The following TTLL11 variants were observed in gnomAD, a reference collection of about 807,000 sequenced individuals.
TTLL11 encodes the protein tubulin polyglutamylase TTLL11.
Under a neutral mutation model 51.7 loss-of-function variants are expected in TTLL11, and 42 were observed. The ratio of observed to expected loss-of-function variants is 0.81; its 90% CI spans 0.64 to 1.05. The LOEUF (loss-of-function observed/expected upper bound fraction) is 1.05, where lower values mean the gene tolerates loss of function less well. TTLL11 is among the 50% of genes least tolerant of loss of function. The probability of loss-of-function intolerance (pLI) is 0.00; values close to 1 mark genes in which losing one functional copy is unlikely to be tolerated. For missense variants in TTLL11, 799 were observed against 940.4 expected (o/e 0.85, Z 1.97); for synonymous variants, 381 against 383.5 (o/e 0.99, Z 0.08).
intron 1 of TTLL11, among the ~76,000 whole-genome samples, chr9:122,088,651 G>A (rs939786539): frequency 3.9e-5 from 6 of 152,178 alleles, no homozygotes; most frequent in African/African-American, 1.4e-4. Flanking sequence ...AACAGAGTAA[G>A]AGCTATATAA....
chr9:121,908,428 C>A (rs1460529267), intron 6 of TTLL11, among the ~76,000 whole-genome samples: 1 of 152,192 alleles, frequency 6.6e-6, no homozygotes, highest in Non-Finnish European at 1.5e-5. Flanking sequence ...GCTTTCATGT[C>A]TCCAGGTTAG....
At chr9:121,992,639 A>T (rs533482060) in intron 3 of TTLL11, among the ~76,000 whole-genome samples, 1 of 152,368 alleles carries the variant, frequency 6.6e-6, no homozygotes, top group South Asian at 2.1e-4. Flanking sequence ...CGCTTATGCT[A>T]CAACTGATGG....
intron 3 of TTLL11, among the ~76,000 whole-genome samples, chr9:122,031,115 G>A (rs989152921): frequency 1.1e-4 from 16 of 152,162 alleles, no homozygotes; most frequent in African/African-American, 3.6e-4. Flanking sequence ...CTTTGAAGGG[G>A]TCCTAAATGA....
chr9:122,043,810 T>G (rs1191227241), intron 1 of TTLL11, among the ~76,000 whole-genome samples: 1 of 152,138 alleles, frequency 6.6e-6, no homozygotes, highest in Non-Finnish European at 1.5e-5. Context: ...ATCATATATT[T>G]GATAATAGAT....
chr9:121,847,716 C>G (rs79466783), intron 8 of TTLL11, among the ~76,000 whole-genome samples: 3,892 of 152,208 alleles, frequency 0.026, 106 homozygotes, highest in African/African-American at 0.073. Context: ...TGAGTTCTAA[C>G]AAACGTTTAA....
chr9:121,891,195 C>T (rs1008616272), intron 6 of TTLL11, among the ~76,000 whole-genome samples: 13 of 152,224 alleles, frequency 8.5e-5, no homozygotes, highest in Admixed American at 1.3e-4. Flanking sequence ...CTTGCTCACA[C>T]TGGGATTCTA....
intron 6 of TTLL11, among the ~76,000 whole-genome samples, chr9:121,880,735 C>T (rs1838754167): frequency 6.6e-6 from 1 of 152,200 alleles, no homozygotes; most frequent in African/African-American, 2.4e-5. Flanking sequence ...GCAGTAGGTG[C>T]TTAAAAATAT....
intron 6 of TTLL11, among the ~76,000 whole-genome samples, chr9:121,904,435 A>C (rs1408557832): frequency 6.6e-6 from 1 of 152,138 alleles, no homozygotes; most frequent in African/African-American, 2.4e-5. Context: ...TCGGCCTCCA[A>C]AAGTGCTGGG....
chr9:121,894,372 G>A (rs1004330832), intron 6 of TTLL11, among the ~76,000 whole-genome samples: 5 of 152,196 alleles, frequency 3.3e-5, no homozygotes, highest in Admixed American at 1.3e-4. Context: ...AATGCCATTT[G>A]ATCCAGCAAT....
chr9:121,989,086 TC>T lies in TTLL11; in HGVS notation c.1269+108del, dbSNP rs754920146. The T allele has an allele frequency of 2.6e-6, 4 of 1,535,312 alleles. No individual in the cohort carries two copies. Among genetic ancestry groups the T allele is most frequent in the Non-Finnish European group, 3.5e-6 (4 of 1,140,844 alleles). On this transcript the variant is annotated intron_variant, in intron 4 of 8. Coordinates refer to ENST00000321582, the MANE Select transcript of TTLL11 (RefSeq NM_001139442.2). The surrounding 1 kb of genome is among the most constrained non-coding windows in gnomAD (Gnocchi z 4.2). ...CAAGCCCACAGCACCACCAACACTG[TC>T]CCCTCCTCTGGCCATCCCACCCCGA...
intron 8 of TTLL11, among the ~76,000 whole-genome samples, chr9:121,837,176 T>G (rs1283866092): frequency 1.3e-5 from 2 of 150,378 alleles, no homozygotes; most frequent in East Asian, 4.0e-4. Context: ...CCCCTACTAA[T>G]GGACACTTAG....
At chr9:121,878,080 G>A (rs1307988049) in intron 6 of TTLL11, among the ~76,000 whole-genome samples, 13 of 152,160 alleles carry the variant, frequency 8.5e-5, no homozygotes, top group Admixed American at 6.5e-5. Flanking sequence ...AAGTCCAGGC[G>A]CTTTCCACGC....
intron 3 of TTLL11, among the ~76,000 whole-genome samples, chr9:122,014,765 G>A (rs184027665): frequency 6.6e-5 from 10 of 152,264 alleles, no homozygotes; most frequent in Admixed American, 6.5e-4. Flanking sequence ...TCAACCCTCT[G>A]AATCTCAGCT....
intron 6 of TTLL11, among the ~76,000 whole-genome samples, chr9:121,896,427 G>A (rs1453005819): frequency 5.3e-5 from 8 of 152,100 alleles, no homozygotes; most frequent in Non-Finnish European, 1.0e-4. Context: ...CCCAGCTGCT[G>A]CCCTCAGCTC....
intron 3 of TTLL11, among the ~76,000 whole-genome samples, chr9:122,000,893 C>T (rs1386207000): frequency 6.6e-6 from 1 of 152,194 alleles, no homozygotes; most frequent in Non-Finnish European, 1.5e-5. Flanking sequence ...TCTGGTTACA[C>T]TTTAAAATGT....
At chr9:122,080,504 G>A (rs1175813295) in intron 1 of TTLL11, among the ~76,000 whole-genome samples, 1 of 151,432 alleles carries the variant, frequency 6.6e-6, no homozygotes, top group African/African-American at 2.4e-5. Flanking sequence ...GCAACATATG[G>A]AAACCCCATC....
chr9:122,072,301 TC>T (rs1845750540), intron 1 of TTLL11, among the ~76,000 whole-genome samples: 1 of 152,120 alleles, frequency 6.6e-6, no homozygotes, highest in Non-Finnish European at 1.5e-5. Context: ...ACCTCTCTGA[TC>T]CATTCCCTTC....
At chr9:121,911,759 A>G (rs941254592) in intron 6 of TTLL11, among the ~76,000 whole-genome samples, 2 of 152,134 alleles carry the variant, frequency 1.3e-5, no homozygotes, top group Non-Finnish European at 2.9e-5. Flanking sequence ...GGAGGGGAAC[A>G]TCACACACCG....
intron 6 of TTLL11, among the ~76,000 whole-genome samples, chr9:121,941,661 C>G (rs1479161014): frequency 6.6e-6 from 1 of 152,170 alleles, no homozygotes; most frequent in Non-Finnish European, 1.5e-5. Context: ...TTTCCCAGCT[C>G]CCCTGCCCAG....
Sources: allele counts gnomAD v4.1 joint callset (sites outside exome capture counted in the v4.1 genomes callset), GRCh38; gene constraint gnomAD v4.1.1; non-coding constraint Gnocchi (gnomAD v3.1); transcripts MANE v1.5; gene names NCBI Gene and HGNC (gene_info 2026-07-23, HGNC 2026-07-21).